CCDC171: variants seen among roughly 807,000 people sequenced by gnomAD.
The protein encoded by CCDC171 is coiled-coil domain containing 171.
CCDC171 carries 177 observed loss-of-function variants against 168.2 expected under a neutral mutation model. The ratio of observed to expected loss-of-function variants is 1.05; its 90% CI spans 0.93 to 1.19. The LOEUF (loss-of-function observed/expected upper bound fraction) is 1.19. Among genes scored for constraint, CCDC171 ranks in the 50% most tolerant of loss-of-function variants. CCDC171 has a pLI of 0.00. For missense variants in CCDC171, 1,991 were observed against 1,539.0 expected, an observed-to-expected ratio of 1.29 and a Z score of -4.91; for synonymous variants, 687 against 540.8, an observed-to-expected ratio of 1.27 and a Z score of -3.75.
At chr9:15,855,809 A>T (rs976141957) in intron 23 of CCDC171, among the ~76,000 whole-genome samples, 1 of 151,880 alleles carries the variant, frequency 6.6e-6, no homozygotes, top group African/African-American at 2.4e-5. Flanking sequence ...TGTTTAAAAA[A>T]TTTTGCTCTT....
chr9:15,732,547 A>T (rs2054216805), intron 16 of CCDC171, among the ~76,000 whole-genome samples: 1 of 152,150 alleles, frequency 6.6e-6, no homozygotes, highest in Non-Finnish European at 1.5e-5. Context: ...CTCATACAGT[A>T]TATAGCCTTT....
intron 6 of CCDC171, among the ~76,000 whole-genome samples, chr9:16,033,243 A>G (rs966581012): frequency 6.6e-6 from 1 of 152,140 alleles, no homozygotes; most frequent in African/African-American, 2.4e-5. Context: ...GGGGTCCCCA[A>G]CCCCTGGGCC....
the CCDC171 span, among the ~76,000 whole-genome samples, chr9:16,085,961 G>A: frequency 3.3e-5 from 5 of 152,154 alleles, no homozygotes; most frequent in Non-Finnish European, 5.9e-5. Flanking sequence ...TTTGGTATAA[G>A]GATGATGCTG....
chr9:15,764,173 C>A (rs1164885631), intron 18 of CCDC171, among the ~76,000 whole-genome samples: 8 of 152,172 alleles, frequency 5.3e-5, no homozygotes, highest in Admixed American at 4.6e-4. Context: ...ATAGCAAGGG[C>A]AGGGTTAACA....
At chr9:15,601,587 T>C (rs2042858534) in intron 6 of CCDC171, among the ~76,000 whole-genome samples, 1 of 152,220 alleles carries the variant, frequency 6.6e-6, no homozygotes, top group African/African-American at 2.4e-5. Context: ...TAAAACTGAT[T>C]AAGACCTGGT....
At chr9:15,823,683 C>G (rs1588698266) in intron 21 of CCDC171, among the ~76,000 whole-genome samples, 1 of 152,068 alleles carries the variant, frequency 6.6e-6, no homozygotes, top group South Asian at 2.1e-4. Context: ...GCATGAAAGG[C>G]TTGATTCCCT....
chr9:15,980,849 C>T (rs913046999), intron 3 of CCDC171, among the ~76,000 whole-genome samples: 27 of 148,540 alleles, frequency 1.8e-4, no homozygotes, highest in Admixed American at 1.6e-3. Flanking sequence ...TGTATTAGTC[C>T]GTTTTCATAC....
chr9:15,657,455 T>A (rs1232074068), intron 8 of CCDC171, among the ~76,000 whole-genome samples: 1 of 152,128 alleles, frequency 6.6e-6, no homozygotes, highest in Non-Finnish European at 1.5e-5. Context: ...TCTTGTGAAG[T>A]TTTGTCTTGT....
At chr9:15,725,049 T>A in intron 14 of CCDC171, 73 bp downstream of exon 14, 1 of 1,098,800 alleles carries the variant, frequency 9.1e-7, no homozygotes, top group Non-Finnish European at 1.4e-6. Flanking sequence ...AAGTGACTAT[T>A]TTTACTTGTA....
At chr9:15,578,083 C>T (rs2040814629) in intron 3 of CCDC171, among the ~76,000 whole-genome samples, 4 of 152,040 alleles carry the variant, frequency 2.6e-5, no homozygotes, top group Admixed American at 2.0e-4. Flanking sequence ...AGAAATAATA[C>T]AGACAATATT....
chr9:15,571,169 C>T (rs995006649), intron 2 of CCDC171, among the ~76,000 whole-genome samples: 2 of 152,098 alleles, frequency 1.3e-5, no homozygotes, highest in African/African-American at 4.8e-5. Flanking sequence ...GAGTTTATAC[C>T]TCTAAATTCT....
Position 15,719,674 on chromosome 9 carries a change from T to G in CCDC171, c.1319-2095T>G, listed in dbSNP as rs545737023. Among the ~76,000 whole-genome samples, 3 of 152,318 alleles carry G rather than the reference T, an allele frequency of 2.0e-5. No individual in the cohort carries two copies. In the South Asian group the frequency reaches 6.2e-4, roughly 32 times the overall value. On this transcript the variant is annotated intron_variant, in intron 11 of 25. Transcript: ENST00000380701. ...ATAAAACTTTATTTTATTTAGAATA[T>G]AAGAATGTTCATAGGTCAGTAAGGA...
At chr9:15,860,981 A>G (rs2061533722) in intron 23 of CCDC171, among the ~76,000 whole-genome samples, 2 of 135,282 alleles carry the variant, frequency 1.5e-5, no homozygotes, top group Admixed American at 7.2e-5. Flanking sequence ...TAAAATTGTT[A>G]TATGTTCCTG....
At chr9:15,909,955 C>G (rs377405514) in intron 24 of CCDC171, among the ~76,000 whole-genome samples, 1 of 152,084 alleles carries the variant, frequency 6.6e-6, no homozygotes, top group Non-Finnish European at 1.5e-5. Context: ...ATCCTGACCA[C>G]CCTCTCACCT....
At chr9:16,022,490 C>A (rs905745050) in exon 5 of CCDC171, 12 of 152,450 alleles carry the variant, frequency 7.9e-5, no homozygotes, top group African/African-American at 2.2e-4. Flanking sequence ...ACCTGCTCAC[C>A]CCTGTACCAT....
rs555140394 is a variant in CCDC171 at position 15,616,770 on chromosome 9, A to C, written c.676-6497A>C. On this transcript the variant is annotated intron_variant, in intron 6 of 25. Transcript: ENST00000380701. Reference sequence around the variant, plus strand: ...AGGTAGTATAGTGCATAATGTTCTTAAAAGTGCTTTCATATATGAAAGTAC... The same window carrying C: ...AGGTAGTATAGTGCATAATGTTCTTCAAAGTGCTTTCATATATGAAAGTAC... Among the ~76,000 whole-genome samples the C allele has an allele frequency of 2.0e-5, 3 of 152,340 alleles. No homozygotes were observed. The South Asian group carries it at 6.2e-4, about 32-fold the overall frequency.
At chr9:15,686,782 G>T (rs2050425224) in intron 10 of CCDC171, among the ~76,000 whole-genome samples, 1 of 152,134 alleles carries the variant, frequency 6.6e-6, no homozygotes, top group South Asian at 2.1e-4. Context: ...TGACATAATT[G>T]AAGGGAGAAA....
chr9:15,563,896 T>C, intron 1 of CCDC171, 82 bp from the exon 2 acceptor site: 2 of 542,358 alleles, frequency 3.7e-6, no homozygotes, highest in Non-Finnish European at 6.5e-6. Flanking sequence ...ATTACATCTT[T>C]CCAAAATAAA....
intron 25 of CCDC171, among the ~76,000 whole-genome samples, chr9:15,963,225 A>C (rs971635852): frequency 6.6e-6 from 1 of 152,182 alleles, no homozygotes; most frequent in Admixed American, 6.5e-5. Context: ...AGATATACCT[A>C]ATGTTAAATG....
Sources: gnomAD v4.1 joint callset for allele counts (sites outside exome capture counted in the v4.1 genomes callset) on GRCh38, gnomAD v4.1.1 for gene constraint, MANE v1.5 for transcripts, NCBI Gene and HGNC (gene_info 2026-07-23, HGNC 2026-07-21) for gene names.